Variants in BBX observed in about 807,000 individuals in gnomAD.
The protein encoded by BBX is BBX high mobility group box domain containing.
BBX carries 30 observed loss-of-function variants against 100.2 expected under a neutral mutation model. The observed-to-expected ratio is 0.30, with a 90% CI of 0.22 to 0.41. The LOEUF is 0.41. BBX is among the 10% of genes least tolerant of loss of function. The probability of loss-of-function intolerance (pLI) is 1.00; values close to 1 mark genes in which losing one functional copy is unlikely to be tolerated. For missense variants in BBX, 1,023 were observed against 1,129.8 expected, an observed-to-expected ratio of 0.91 and a Z score of 1.35; for synonymous variants, 376 against 388.1, an observed-to-expected ratio of 0.97 and a Z score of 0.37.
At chr3:107,738,218 A>G (rs550813188) in intron 7 of BBX, among the ~76,000 whole-genome samples, 1 of 151,840 alleles carries the variant, frequency 6.6e-6, no homozygotes, top group Non-Finnish European at 1.5e-5. Context: ...ACCTTACAAC[A>G]CTGATTATAT....
intron 14 of BBX, among the ~76,000 whole-genome samples, 169 bp downstream of exon 14, chr3:107,790,045 T>C (rs2068837602): frequency 6.6e-6 from 1 of 152,146 alleles, no homozygotes; most frequent in Non-Finnish European, 1.5e-5. Flanking sequence ...CTGCAGCTAA[T>C]GCAAATCTCC....
Position 107,773,646 on chromosome 3 carries a change from T to A in BBX, c.1915+10T>A. On this transcript the variant is annotated intron_variant, in intron 11 of 17. Transcript: ENST00000325805. The surrounding 1 kb of genome is among the most constrained non-coding windows in gnomAD (Gnocchi z 4.1). ...GCTAATGTTGACAGAGGTAAGTAAC[T>A]TCTACAAACCTGAAAAGAATTCAAA... The A allele has an allele frequency of 6.3e-7, 1 of 1,592,542 alleles. No homozygotes were observed. The highest frequency in any genetic ancestry group is 8.5e-7 in the Non-Finnish European group (1 of 1,172,018).
intron 2 of BBX, chr3:107,599,192 T>C: frequency 6.6e-6 from 1 of 152,304 alleles, no homozygotes; most frequent in Non-Finnish European, 1.5e-5. Context: ...TCACGCTGTT[T>C]ATAAATCCTT....
At chr3:107,754,002 C>T (rs1320661727) in intron 9 of BBX, among the ~76,000 whole-genome samples, 1 of 152,112 alleles carries the variant, frequency 6.6e-6, no homozygotes, top group Non-Finnish European at 1.5e-5. Context: ...ATCTCTTCAG[C>T]ACTGCCCTAC....
intron 2 of BBX, among the ~76,000 whole-genome samples, chr3:107,573,804 G>A (rs1268399780): frequency 1.3e-5 from 2 of 152,128 alleles, no homozygotes; most frequent in South Asian, 2.1e-4. Context: ...TCAGCTCACC[G>A]CAACCTCTGC....
At chr3:107,802,535 TTAAAA>T (rs1331364631) in intron 17 of BBX, among the ~76,000 whole-genome samples, 2 of 152,216 alleles carry the variant, frequency 1.3e-5, no homozygotes, top group African/African-American at 4.8e-5. Flanking sequence ...CAGTGAGAAC[TTAAAA>T]TATCTGCCTG....
In BBX at chr3:107,807,078, T is replaced by G. The variant is rs2071102119; in HGVS notation, c.*1621T>G. The G allele has an allele frequency of 1.3e-5, 2 of 152,174 alleles. No homozygotes were observed. The highest frequency in any genetic ancestry group is 1.3e-4 in the Admixed American group (2 of 15,272). The allele number at this position is 152,174 out of a possible 1,614,324, so 9.4% of individuals were successfully genotyped here. A position where few individuals can be genotyped will look rare whatever the true frequency, so the allele number is the denominator to read the frequency against. On this transcript the variant is annotated 3_prime_UTR_variant, in exon 18 of 18. Transcript: ENST00000325805. Reference sequence around the variant, plus strand: ...TTTGACGTAATAGCCATACAAAAAATGACTCTATTCATACTAGGTTTAGCT... The same window carrying G: ...TTTGACGTAATAGCCATACAAAAAAGGACTCTATTCATACTAGGTTTAGCT...
At chr3:107,673,384 A>G (rs1322172607) in intron 3 of BBX, among the ~76,000 whole-genome samples, 1 of 152,046 alleles carries the variant, frequency 6.6e-6, no homozygotes, top group Non-Finnish European at 1.5e-5. Context: ...AGGCTCAACA[A>G]TTTCTAATAA....
intron 3 of BBX, chr3:107,684,458 C>T (rs965146222): frequency 2.0e-5 from 3 of 152,092 alleles, no homozygotes; most frequent in Non-Finnish European, 4.4e-5. Flanking sequence ...TAATGTCCAA[C>T]AATGTCTGAC....
intron 2 of BBX, among the ~76,000 whole-genome samples, chr3:107,548,107 G>A (rs960350157): frequency 3.3e-5 from 5 of 152,266 alleles, no homozygotes; most frequent in Admixed American, 2.0e-4. Flanking sequence ...ACGTATGATT[G>A]TGTGTCAGAC....
chr3:107,797,146 G>T (rs1250264533), intron 15 of BBX, among the ~76,000 whole-genome samples: 1 of 151,682 alleles, frequency 6.6e-6, no homozygotes, highest in Non-Finnish European at 1.5e-5. Flanking sequence ...AAGGTGCCAT[G>T]ATTTCCAGGA....
intron 16 of BBX, among the ~76,000 whole-genome samples, chr3:107,800,871 C>G (rs777550784): frequency 3.4e-4 from 51 of 152,228 alleles, no homozygotes; most frequent in Non-Finnish European, 1.0e-4. Flanking sequence ...CTCTTCAGCT[C>G]AGCCTCAGGG....
At chr3:107,574,071 C>T (rs1027752110) in intron 2 of BBX, among the ~76,000 whole-genome samples, 6 of 152,182 alleles carry the variant, frequency 3.9e-5, no homozygotes, top group Admixed American at 3.3e-4. Flanking sequence ...GACCATGTAT[C>T]TCTATTTTTG....
chr3:107,705,235 G>C (rs1296659296), intron 3 of BBX, among the ~76,000 whole-genome samples: 2 of 152,116 alleles, frequency 1.3e-5, no homozygotes, highest in African/African-American at 4.8e-5. Flanking sequence ...TTTGTGGTTA[G>C]AATATGTGGT....
chr3:107,684,745 ACT>A (rs1193233443), intron 3 of BBX: 1 of 152,188 alleles, frequency 6.6e-6, no homozygotes, highest in Non-Finnish European at 1.5e-5. Flanking sequence ...AAAGATAGAT[ACT>A]GTATTTGGAA....
At chr3:107,731,813 G>A (rs1328053581) in intron 6 of BBX, among the ~76,000 whole-genome samples, 3 of 151,826 alleles carry the variant, frequency 2.0e-5, no homozygotes, top group East Asian at 1.9e-4. Flanking sequence ...TCTTCAACCC[G>A]AAAAAGAAAA....
chr3:107,553,826 T>C (rs942324703), intron 2 of BBX, among the ~76,000 whole-genome samples: 5 of 152,242 alleles, frequency 3.3e-5, no homozygotes, highest in African/African-American at 1.2e-4. Flanking sequence ...ATTAATTCTT[T>C]AATTTATTCT....
chr3:107,736,220 A>G (rs2063625962), intron 7 of BBX, among the ~76,000 whole-genome samples: 2 of 152,064 alleles, frequency 1.3e-5, no homozygotes, highest in African/African-American at 4.8e-5. Flanking sequence ...TCATTAGTAA[A>G]TAACCCCATA....
chr3:107,576,627 A>T (rs999878616), intron 2 of BBX, among the ~76,000 whole-genome samples: 2 of 152,230 alleles, frequency 1.3e-5, no homozygotes, highest in African/African-American at 4.8e-5. Flanking sequence ...AGATGAAATT[A>T]TAAATTCAAT....
Sources: allele counts gnomAD v4.1 joint callset (sites outside exome capture counted in the v4.1 genomes callset), GRCh38; gene constraint gnomAD v4.1.1; non-coding constraint Gnocchi (gnomAD v3.1); transcripts MANE v1.5; gene names NCBI Gene and HGNC (gene_info 2026-07-23, HGNC 2026-07-21).